The following PALLD variants were observed in gnomAD, a reference collection of about 807,000 sequenced individuals.
The protein encoded by PALLD is palladin, cytoskeletal associated protein.
Under a neutral mutation model 123.5 loss-of-function variants are expected in PALLD, and 61 were observed. The observed-to-expected ratio is 0.49, with a 90% CI of 0.40 to 0.61. The LOEUF (loss-of-function observed/expected upper bound fraction) is 0.61. Ranked by LOEUF, PALLD falls within the 20% of genes least tolerant of loss-of-function variation. The probability of loss-of-function intolerance (pLI) is 0.00; values close to 1 mark genes in which losing one functional copy is unlikely to be tolerated. For synonymous variants in PALLD, 465 were observed against 496.4 expected, an observed-to-expected ratio of 0.94 and a Z score of 0.84; for missense variants, 1,273 against 1,377.0, an observed-to-expected ratio of 0.92 and a Z score of 1.20.
intron 2 of PALLD, among the ~76,000 whole-genome samples, chr4:168,535,462 T>C (rs1765004396): frequency 6.6e-6 from 1 of 152,222 alleles, no homozygotes; most frequent in South Asian, 2.1e-4. Flanking sequence ...AGAAGTGCTG[T>C]TGATTTTCTG....
At chr4:168,733,870 G>T (rs1384486192) in intron 10 of PALLD, among the ~76,000 whole-genome samples, 2 of 152,132 alleles carry the variant, frequency 1.3e-5, no homozygotes, top group East Asian at 3.9e-4. Context: ...GAGTAGCTGG[G>T]ACTACAGGCG....
At chr4:168,635,933 T>C (rs1776303240) in intron 2 of PALLD, among the ~76,000 whole-genome samples, 1 of 152,220 alleles carries the variant, frequency 6.6e-6, no homozygotes, top group South Asian at 2.1e-4. Context: ...TCAAACTACA[T>C]TGGAATTGAG....
At chr4:168,677,385 C>A (rs1344986188) in intron 3 of PALLD, among the ~76,000 whole-genome samples, 1 of 152,100 alleles carries the variant, frequency 6.6e-6, no homozygotes. Context: ...GACAGGTGTG[C>A]AAAAGCTAGC....
rs796761323 is a variant in PALLD, at chr4:168,926,495, TAA to T, written c.*324_*325del. The T allele has an allele frequency of 1.9e-4, 115 of 606,576 alleles. No individual in the cohort carries two copies. The highest frequency in any genetic ancestry group is 3.7e-4 in the South Asian group (13 of 34,880). The allele number at this position is 606,576 out of a possible 1,614,324, so 37.6% of individuals were successfully genotyped here. On this transcript the variant is annotated 3_prime_UTR_variant, in exon 22 of 22. Transcript: ENST00000505667. ...AAACATACCTTTGACTATAAGAAAT[TAA>T]AAAAAAAACACCAAAATAATATTTT...
At chr4:168,506,983 G>A (rs546082072) in intron 1 of PALLD, among the ~76,000 whole-genome samples, 15 of 151,390 alleles carry the variant, frequency 9.9e-5, no homozygotes, top group Non-Finnish European at 1.9e-4. Flanking sequence ...TTTTTTCCTC[G>A]ATGACCTTAT....
chr4:168,832,811 C>T (rs1305457151), intron 10 of PALLD: 2 of 152,388 alleles, frequency 1.3e-5, no homozygotes, highest in African/African-American at 4.8e-5. Flanking sequence ...GCCCGGCCCG[C>T]AGTCGGTGTT....
chr4:168,878,475 C>T lies in PALLD; in HGVS notation c.1965-12447C>T, dbSNP rs72704207. 0.1 allele frequency: 110,465 copies of T among 1,076,372 alleles called. 6,483 individuals are homozygous for T. The highest frequency in any genetic ancestry group is 0.15 in the Middle Eastern group (469 of 3,208). The allele number at this position is 1,076,372 out of a possible 1,614,324, so 66.7% of individuals were successfully genotyped here. On this transcript the variant is annotated intron_variant, in intron 10 of 21. Coordinates refer to ENST00000505667, the MANE Select transcript of PALLD (RefSeq NM_001166108.2). ...GGACTCCCACATCTCCATACACGCG[C>T]TCCCATCAGCCTGCAACCCAGAGCG...
At chr4:168,546,710 G>A (rs112043361) in intron 2 of PALLD, among the ~76,000 whole-genome samples, 9 of 152,236 alleles carry the variant, frequency 5.9e-5, no homozygotes, top group African/African-American at 1.4e-4. Context: ...ATCAAACATC[G>A]GTTTGTCACT....
intron 14 of PALLD, among the ~76,000 whole-genome samples, chr4:168,902,410 G>A (rs1356480359): frequency 6.6e-6 from 1 of 152,136 alleles, no homozygotes; most frequent in Non-Finnish European, 1.5e-5. Context: ...AGCCATGTTA[G>A]GGCTGTTGGC....
chr4:168,629,022 T>TTA (rs1009610119), intron 2 of PALLD, among the ~76,000 whole-genome samples: 1 of 151,468 alleles, frequency 6.6e-6, no homozygotes, highest in African/African-American at 2.4e-5. Context: ...ATAGTATTTT[T>TTA]TTTTTTTTTT....
chr4:168,571,270 TTACTC>T (rs1277973510), intron 2 of PALLD, among the ~76,000 whole-genome samples: 1 of 152,168 alleles, frequency 6.6e-6, no homozygotes, highest in Non-Finnish European at 1.5e-5. Context: ...ATTCATCTAT[TTACTC>T]TATGTGTGAT....
intron 2 of PALLD, among the ~76,000 whole-genome samples, chr4:168,581,583 G>A (rs1770283675): frequency 6.6e-6 from 1 of 151,894 alleles, no homozygotes; most frequent in South Asian, 2.1e-4. Context: ...CCATTTCTAA[G>A]TAGGGTTATT....
intron 6 of PALLD, 139 bp from the exon 7 acceptor site, chr4:168,690,464 T>G: frequency 9.7e-7 from 1 of 1,028,514 alleles, no homozygotes; most frequent in Non-Finnish European, 1.5e-6. Flanking sequence ...TCAGTGCTAA[T>G]TATTTGATGA....
At chr4:168,788,888 T>C (rs1213675814) in intron 10 of PALLD, among the ~76,000 whole-genome samples, 1 of 152,208 alleles carries the variant, frequency 6.6e-6, no homozygotes, top group Non-Finnish European at 1.5e-5. Context: ...GAGTAAAGCA[T>C]GATTAATACA....
At chr4:168,866,098 T>TAAA (rs11398682) in intron 10 of PALLD, among the ~76,000 whole-genome samples, 2 of 138,796 alleles carry the variant, frequency 1.4e-5, no homozygotes, top group African/African-American at 2.6e-5. Flanking sequence ...CTGTCTCTAC[T>TAAA]AAAAAAAAAA....
intron 14 of PALLD, among the ~76,000 whole-genome samples, chr4:168,899,195 T>C (rs1755908516): frequency 1.3e-5 from 2 of 152,140 alleles, no homozygotes; most frequent in African/African-American, 4.8e-5. Flanking sequence ...GGGTGAAGAA[T>C]ATTGTTTAGA....
At chr4:168,616,035 C>A (rs1431595637) in intron 2 of PALLD, among the ~76,000 whole-genome samples, 1 of 151,972 alleles carries the variant, frequency 6.6e-6, no homozygotes, top group Non-Finnish European at 1.5e-5. Context: ...ATGATTGTGA[C>A]AGTATTTTTT....
intron 2 of PALLD, among the ~76,000 whole-genome samples, chr4:168,563,475 T>G (rs984868419): frequency 6.6e-6 from 1 of 152,226 alleles, no homozygotes; most frequent in African/African-American, 2.4e-5. Context: ...CAAATCTCAG[T>G]AAAACTGAGC....
chr4:168,671,354 A>G (rs1322242586), intron 3 of PALLD, among the ~76,000 whole-genome samples: 2 of 152,218 alleles, frequency 1.3e-5, no homozygotes, highest in Non-Finnish European at 1.5e-5. Flanking sequence ...CTCTAGTTCT[A>G]TATGGTACGT....
Sources: allele counts gnomAD v4.1 joint callset (sites outside exome capture counted in the v4.1 genomes callset), GRCh38; gene constraint gnomAD v4.1.1; transcripts MANE v1.5; gene names NCBI Gene and HGNC (gene_info 2026-07-23, HGNC 2026-07-21).